SIPA1L1: variants seen among roughly 807,000 people sequenced by gnomAD.
The protein encoded by SIPA1L1 is signal-induced proliferation-associated 1-like protein 1.
In SIPA1L1, 26 loss-of-function variants were observed where a neutral mutation model predicts 162.7. The observed-to-expected ratio is 0.16, with a 90% CI of 0.12 to 0.22. The LOEUF is 0.22. SIPA1L1 is among the 10% of genes least tolerant of loss of function. The pLI is 1.00. For synonymous variants in SIPA1L1, 829 were observed against 837.4 expected (o/e 0.99, Z 0.17); for missense variants, 1,874 against 2,241.0 (o/e 0.84, Z 3.31).
At chr14:71,727,224 G>C (rs1030938301) in intron 19 of SIPA1L1, among the ~76,000 whole-genome samples, 2 of 152,130 alleles carry the variant, frequency 1.3e-5, no homozygotes, top group African/African-American at 4.8e-5. Context: ...ATATACCAAA[G>C]GAGGTGGCTT....
At chr14:71,523,394 A>C (rs1484257972) in intron 3 of SIPA1L1, among the ~76,000 whole-genome samples, 2 of 152,096 alleles carry the variant, frequency 1.3e-5, no homozygotes, top group South Asian at 2.1e-4. Flanking sequence ...GAGTTTAAAA[A>C]AAAAAAGTTA....
At chr14:71,408,648 AT>A (rs903428574) in intron 2 of SIPA1L1, among the ~76,000 whole-genome samples, 10 of 151,778 alleles carry the variant, frequency 6.6e-5, no homozygotes, top group Middle Eastern at 3.2e-3. Context: ...TTTCAGGAAG[AT>A]TTTTTTCCCC....
At chr14:71,568,753 G>T (rs982472903) in intron 4 of SIPA1L1, among the ~76,000 whole-genome samples, 16 of 152,192 alleles carry the variant, frequency 1.1e-4, no homozygotes, top group African/African-American at 3.6e-4. Flanking sequence ...CATTCCAAAT[G>T]ATACCATCTA....
chr14:71,423,792 T>C (rs945729367), intron 2 of SIPA1L1, among the ~76,000 whole-genome samples: 7 of 152,110 alleles, frequency 4.6e-5, no homozygotes, highest in Non-Finnish European at 7.4e-5. Flanking sequence ...GCTATTTGGG[T>C]CCCCTAACAT....
At chr14:71,584,959 A>G (rs1382640180) in intron 4 of SIPA1L1, among the ~76,000 whole-genome samples, 1 of 152,140 alleles carries the variant, frequency 6.6e-6, no homozygotes, top group East Asian at 1.9e-4. Flanking sequence ...GTTTCAGTCA[A>G]CCCTAAGGAA....
At chr14:71,643,793 G>A (rs2041926964) in intron 7 of SIPA1L1, among the ~76,000 whole-genome samples, 1 of 152,194 alleles carries the variant, frequency 6.6e-6, no homozygotes, top group African/African-American at 2.4e-5. Flanking sequence ...AACTCAACAA[G>A]TGGTAGTTTT....
chr14:71,564,830 G>A (rs921530120), intron 4 of SIPA1L1, among the ~76,000 whole-genome samples: 11 of 151,996 alleles, frequency 7.2e-5, no homozygotes, highest in South Asian at 2.1e-4. Flanking sequence ...CTCTTTCTCC[G>A]CTTAGTGTAG....
At chr14:71,526,614 C>T (rs959077333) in intron 3 of SIPA1L1, among the ~76,000 whole-genome samples, 7 of 152,040 alleles carry the variant, frequency 4.6e-5, no homozygotes, top group African/African-American at 9.7e-5. Flanking sequence ...CAGCCAAGCC[C>T]GTATTGTCTA....
chr14:71,678,867 G>A (rs530881391), intron 12 of SIPA1L1, among the ~76,000 whole-genome samples: 2 of 151,940 alleles, frequency 1.3e-5, no homozygotes, highest in East Asian at 3.9e-4. Flanking sequence ...TTAGTCTTGG[G>A]AGAAGAGAAG....
chr14:71,701,276 G>C (rs928509125), intron 14 of SIPA1L1, among the ~76,000 whole-genome samples: 3 of 151,926 alleles, frequency 2.0e-5, no homozygotes, highest in Admixed American at 6.6e-5. Flanking sequence ...TCAGCCTATA[G>C]CAAGAAGACA....
At chr14:71,578,971 G>A (rs967120394) in intron 4 of SIPA1L1, among the ~76,000 whole-genome samples, 2 of 152,196 alleles carry the variant, frequency 1.3e-5, no homozygotes, top group African/African-American at 4.8e-5. Flanking sequence ...CTGCTCACCT[G>A]GAGAGGATTA....
chr14:71,380,111 TCA>T (rs1264482895), intron 2 of SIPA1L1, among the ~76,000 whole-genome samples: 3 of 152,046 alleles, frequency 2.0e-5, no homozygotes, highest in African/African-American at 7.2e-5. Flanking sequence ...AATGTAAACT[TCA>T]CAGAGTTGTT....
chr14:71,327,452 T>C (rs1662466996), intron 2 of SIPA1L1, among the ~76,000 whole-genome samples: 1 of 152,220 alleles, frequency 6.6e-6, no homozygotes, highest in Admixed American at 6.5e-5. Flanking sequence ...CAGTTCTTGA[T>C]GCTCTTAGCT....
At chr14:71,608,690 T>A (rs1247818805) in intron 5 of SIPA1L1, among the ~76,000 whole-genome samples, 3 of 151,800 alleles carry the variant, frequency 2.0e-5, no homozygotes, top group African/African-American at 7.3e-5. Flanking sequence ...AGGTCAGGGG[T>A]TCGAGACCAG....
chr14:71,636,467 A>G (rs1251618220), intron 7 of SIPA1L1, among the ~76,000 whole-genome samples: 1 of 152,230 alleles, frequency 6.6e-6, no homozygotes, highest in African/African-American at 2.4e-5. Flanking sequence ...AAACACTTCA[A>G]GGGAAATGAA....
intron 2 of SIPA1L1, among the ~76,000 whole-genome samples, chr14:71,430,617 T>C (rs1028266250): frequency 1.3e-5 from 2 of 152,232 alleles, no homozygotes; most frequent in Non-Finnish European, 2.9e-5. Flanking sequence ...AGCCTTCTCC[T>C]ATAACAGATG....
intron 19 of SIPA1L1, among the ~76,000 whole-genome samples, chr14:71,728,282 A>T (rs368339263): frequency 1.3e-5 from 2 of 152,202 alleles, no homozygotes; most frequent in East Asian, 3.8e-4. Flanking sequence ...TACAGTTAGC[A>T]AGCCATATAA....
intron 2 of SIPA1L1, among the ~76,000 whole-genome samples, chr14:71,493,253 G>A (rs768155771): frequency 7.9e-5 from 12 of 151,614 alleles, no homozygotes; most frequent in Non-Finnish European, 1.2e-4. Flanking sequence ...AACCCTCCAC[G>A]CCCCCAGTTT....
In SIPA1L1 at chr14:71,587,726, A is replaced by G; in HGVS notation, c.-147A>G. Reference sequence around the variant, plus strand: ...TTTTTCAGTGCTTTACAAATAAAGCATCATTTAACCTTTTAAATGAAAAAG... The same window carrying G: ...TTTTTCAGTGCTTTACAAATAAAGCGTCATTTAACCTTTTAAATGAAAAAG... On this transcript the variant is annotated 5_prime_UTR_variant, in exon 5 of 24. Coordinates refer to ENST00000381232, the MANE Select transcript of SIPA1L1 (RefSeq NM_001386936.1). 6.6e-6 allele frequency: 5 copies of G among 754,904 alleles called. No homozygotes were observed. Among genetic ancestry groups the G allele is most frequent in the South Asian group, 6.2e-5 (3 of 48,126 alleles). The allele number at this position is 754,904 out of a possible 1,614,324, so 46.8% of individuals were successfully genotyped here.
Sources: allele counts gnomAD v4.1 joint callset (sites outside exome capture counted in the v4.1 genomes callset), GRCh38; gene constraint gnomAD v4.1.1; transcripts MANE v1.5; gene names NCBI Gene and HGNC (gene_info 2026-07-23, HGNC 2026-07-21).